The following SYTL4 variants were observed in gnomAD, a reference collection of about 807,000 sequenced individuals.
The protein encoded by SYTL4 is synaptotagmin-like protein 4.
SYTL4 carries 16 observed loss-of-function variants against 52.7 expected under a neutral mutation model. The observed-to-expected ratio is 0.30, with a 90% CI of 0.21 to 0.46. The LOEUF is 0.46. SYTL4 is among the 20% of genes least tolerant of loss of function. The pLI is 1.00. For synonymous variants in SYTL4, 160 were observed against 186.6 expected, an observed-to-expected ratio of 0.86 and a Z score of 1.16; for missense variants, 423 against 519.9, an observed-to-expected ratio of 0.81 and a Z score of 1.81.
intron 8 of SYTL4, among the ~76,000 whole-genome samples, chrX:100,700,469 T>G (rs1001975442): frequency 1.8e-4 from 20 of 112,068 alleles, no homozygotes; most frequent in African/African-American, 6.1e-4. Flanking sequence ...TGATCTAATA[T>G]TAAAAAGATT....
At chrX:100,692,168 C>T (rs2083611637) in intron 8 of SYTL4, among the ~76,000 whole-genome samples, 1 of 111,579 alleles carries the variant, frequency 9.0e-6, no homozygotes, top group Non-Finnish European at 1.9e-5. Flanking sequence ...GGCCATGCCC[C>T]CACCCTAAGT....
intron 2 of SYTL4, among the ~76,000 whole-genome samples, chrX:100,720,430 T>C (rs1176561283): frequency 8.9e-6 from 1 of 112,645 alleles, no homozygotes; most frequent in Non-Finnish European, 1.9e-5. Flanking sequence ...CCTCATCACC[T>C]CCCACGCAGA....
chrX:100,698,189 G>A (rs1416652103), intron 8 of SYTL4, among the ~76,000 whole-genome samples: 1 of 110,369 alleles, frequency 9.1e-6, no homozygotes, highest in African/African-American at 3.3e-5. Context: ...TGCAAGCTCC[G>A]CCTCCCGGGT....
At chrX:100,695,331 G>A (rs1034940424) in intron 8 of SYTL4, among the ~76,000 whole-genome samples, 1 of 111,491 alleles carries the variant, frequency 9.0e-6, no homozygotes, top group African/African-American at 3.3e-5. Flanking sequence ...AATTTCATGG[G>A]AAAGATCATT....
intron 3 of SYTL4, among the ~76,000 whole-genome samples, chrX:100,703,725 A>G (rs1265199077): frequency 8.9e-6 from 1 of 112,788 alleles, no homozygotes; most frequent in Non-Finnish European, 1.9e-5. Context: ...ATCATTAAAC[A>G]AAATAATATG....
intron 8 of SYTL4, among the ~76,000 whole-genome samples, chrX:100,692,984 G>T (rs1167756956): frequency 8.9e-6 from 1 of 111,748 alleles, no homozygotes; most frequent in Non-Finnish European, 1.9e-5. Context: ...AGGCTGGAGT[G>T]CAGTGGCACA....
intron 2 of SYTL4, among the ~76,000 whole-genome samples, chrX:100,729,361 A>T (rs1051744436): frequency 9.0e-6 from 1 of 111,644 alleles, no homozygotes; most frequent in African/African-American, 3.3e-5. Context: ...CAGGGTGTTT[A>T]TGTTATGGTG....
rs913081915 is a variant in SYTL4, at chrX:100,688,240, G to A, written c.1005+111C>T. ...AACAAACAAATGATCTTACTTACCT[G>A]AAAAGAGTGACTAGGATGGTTTCCC... is the stretch of plus-strand genomic sequence containing the variant. On this transcript the variant is annotated intron_variant, in intron 13 of 19. Transcript: ENST00000372989. 6.8e-6 allele frequency: 4 copies of A among 588,929 alleles called. No individual in the cohort carries two copies. In the African/African-American group the frequency reaches 9.1e-5, roughly 13 times the overall value. 48.5% of individuals were successfully genotyped at this position (588,929 alleles called of 1,213,427 possible).
chrX:100,676,058 G>A lies in SYTL4; in HGVS notation c.1986C>T (p.Ser662=), dbSNP rs765763966. 2.5e-6 allele frequency: 3 copies of A among 1,210,386 alleles called. No homozygotes were observed. The East Asian group carries it at 8.9e-5, about 36-fold the overall frequency. The change falls in exon 20 of 20, where the codon TCC becomes TCT. Residue 662 remains serine (S), a synonymous_variant. Transcript: ENST00000372989. ...SWAEGTLQLR[S]SMAKQKLGL ...AACCCAGCTTCTGCTTGGCCATTGAGGAACGGAGCTGCAGAGTCCCTTCTG... is the reference window on the plus strand; with the variant it reads ...AACCCAGCTTCTGCTTGGCCATTGAAGAACGGAGCTGCAGAGTCCCTTCTG...
chrX:100,684,554 C>G (rs375526189), intron 16 of SYTL4: 2 of 105,514 alleles, frequency 1.9e-5, no homozygotes, highest in African/African-American at 7.0e-5. Context: ...AGTGATGGCA[C>G]AAAAGGATGC....
chrX:100,705,613 C>G (rs1040267663), intron 2 of SYTL4, among the ~76,000 whole-genome samples: 1 of 111,275 alleles, frequency 9.0e-6, no homozygotes, highest in Non-Finnish European at 1.9e-5. Context: ...AGCACAGGCA[C>G]ACTAGAAATG....
At chrX:100,728,744 A>G (rs746043157) in intron 2 of SYTL4, among the ~76,000 whole-genome samples, 1 of 111,940 alleles carries the variant, frequency 8.9e-6, no homozygotes, top group Non-Finnish European at 1.9e-5. Context: ...TCATACTTTT[A>G]AAAAATAGAG....
chrX:100,701,899 G>A, intron 5 of SYTL4, 29 bp downstream of exon 5: 1 of 1,106,841 alleles, frequency 9.0e-7, no homozygotes, highest in Non-Finnish European at 1.2e-6. Context: ...CAAAGGCCTG[G>A]GACCCCATGC....
intron 19 of SYTL4, 25 bp downstream of exon 19, chrX:100,678,366 G>A (rs755750693): frequency 1.4e-5 from 16 of 1,152,859 alleles, no homozygotes; most frequent in Non-Finnish European, 1.9e-5. Flanking sequence ...CTTCAAACAA[G>A]TGAGGATGGG....
At chrX:100,683,164 CAG>C (rs1244194516) in intron 16 of SYTL4, among the ~76,000 whole-genome samples, 1 of 64,450 alleles carries the variant, frequency 1.6e-5, no homozygotes, top group African/African-American at 6.3e-5. Context: ...TTTTTTGAGA[CAG>C]GGTTTCATTC....
intron 2 of SYTL4, among the ~76,000 whole-genome samples, chrX:100,724,994 C>G (rs2084486120): frequency 9.1e-6 from 1 of 109,811 alleles, no homozygotes; most frequent in Non-Finnish European, 1.9e-5. Flanking sequence ...TATTTGTTTA[C>G]ATTTTAGACA....
In SYTL4 at chrX:100,678,418, C is replaced by T; in HGVS notation, c.1840G>A (p.Gly614Arg). The change falls in exon 19 of 20, where the codon GGA becomes AGA. Residue 614 changes from glycine to arginine, a missense_variant. Transcript: ENST00000372989. ...REPLASNDFLGGVRLGVGTGI... is the reference protein window; with the variant it reads ...REPLASNDFLRGVRLGVGTGI... ...GTGCCAACACCCAGCCTGACCCCTC[C>T]CAGGAAGTCATTGCTGGCCAGGGGC... 8.3e-7 allele frequency: 1 copy of T among 1,210,789 alleles called. No homozygotes were observed. Among genetic ancestry groups the T allele is most frequent in the Non-Finnish European group, 1.1e-6 (1 of 894,825 alleles).
In SYTL4 at chrX:100,686,589, C is replaced by T. The variant is rs1002780085; in HGVS notation, c.1287+90G>A. The T allele has an allele frequency of 4.7e-6, 3 of 637,669 alleles. No homozygotes were observed. In the African/African-American group the frequency reaches 6.7e-5, roughly 14 times the overall value. 52.6% of individuals were successfully genotyped at this position (637,669 alleles called of 1,213,427 possible). ...GACACAGACATGGCCCACTGAAGCCCGTGTCACCTGGTCATGTTGCAGAGG... is the reference window on the plus strand; with the variant it reads ...GACACAGACATGGCCCACTGAAGCCTGTGTCACCTGGTCATGTTGCAGAGG... On this transcript the variant is annotated intron_variant, in intron 15 of 19. Coordinates refer to ENST00000372989, the MANE Select transcript of SYTL4 (RefSeq NM_001370165.1).
chrX:100,719,144 A>G, intron 2 of SYTL4, among the ~76,000 whole-genome samples: 1 of 111,541 alleles, frequency 9.0e-6, no homozygotes, highest in Non-Finnish European at 1.9e-5. Context: ...GATGATGACA[A>G]TGATAGTTAA....
Sources: allele counts gnomAD v4.1 joint callset (sites outside exome capture counted in the v4.1 genomes callset), GRCh38; gene constraint gnomAD v4.1.1; transcripts MANE v1.5; gene names NCBI Gene and HGNC (gene_info 2026-07-23, HGNC 2026-07-21).